Variants in JARID2 observed in about 807,000 individuals in gnomAD.
JARID2 encodes the protein protein Jumonji.
A neutral mutation model predicts 125.6 loss-of-function variants in JARID2; 21 were observed. That is an observed-to-expected ratio of 0.17 (90% confidence interval 0.12 to 0.24). The LOEUF is 0.24. Among genes scored for constraint, JARID2 ranks in the 10% least tolerant of loss-of-function variants. The pLI is 1.00. For missense variants in JARID2, 1,303 were observed against 1,639.6 expected, an observed-to-expected ratio of 0.79 and a Z score of 3.55; for synonymous variants, 736 against 661.6, an observed-to-expected ratio of 1.11 and a Z score of -1.73.
chr6:15,342,738 T>G (rs1044054774), intron 1 of JARID2, among the ~76,000 whole-genome samples: 1 of 152,212 alleles, frequency 6.6e-6, no homozygotes, highest in Non-Finnish European at 1.5e-5. Context: ...ATAAAATTAT[T>G]CAACTAGCTT....
intron 3 of JARID2, among the ~76,000 whole-genome samples, chr6:15,442,570 C>G (rs1034456809): frequency 2.8e-4 from 43 of 152,180 alleles, no homozygotes; most frequent in African/African-American, 1.0e-3. Flanking sequence ...TGTGGCTCTT[C>G]CCTCCTGGGC....
At position 15,497,141 on chromosome 6, in the gene JARID2, G is replaced by A. The variant is rs990914006; in HGVS notation, c.1916G>A (p.Gly639Asp). The change falls in exon 7 of 18, where the codon GGC (glycine) becomes GAC (aspartate). Residue 639 changes from glycine (G) to aspartate (D), a missense_variant. Coordinates refer to ENST00000341776, the MANE Select transcript of JARID2 (RefSeq NM_004973.4). ...ACIKKHLKSQ[G>D]ITMDELPLIG... ...ATCAAGAAGCACCTCAAATCTCAGG[G>A]CATCACCATGGACGAGCTCCCGCTC... 3.2e-6 allele frequency: 5 copies of A among 1,554,822 alleles called. No homozygotes were observed. The highest frequency in any genetic ancestry group is 2.4e-5 in the East Asian group (1 of 41,114).
intron 3 of JARID2, among the ~76,000 whole-genome samples, chr6:15,422,757 G>T (rs1363997669): frequency 6.6e-6 from 1 of 152,206 alleles, no homozygotes; most frequent in Non-Finnish European, 1.5e-5. Flanking sequence ...GACTGGTTTT[G>T]TGTGGGCTTC....
rs558187819 is a variant in JARID2 at position 15,282,750 on chromosome 6, C to T, written c.45+36166C>T. Among the ~76,000 whole-genome samples the T allele has an allele frequency of 5.3e-5, 8 of 152,096 alleles. No homozygotes were observed. The East Asian group carries it at 5.8e-4, about 11-fold the overall frequency. On this transcript the variant is annotated intron_variant, in intron 1 of 17. Transcript: ENST00000341776. The stretch of plus-strand genomic sequence containing the variant: ...CCAAGTAGCTGAGATTACAGGCATG[C>T]GCCACCATGCTCAGCTAATTTTGTA...
At position 15,375,744 on chromosome 6, in the gene JARID2, A is replaced by G. The variant is rs1188491736; in HGVS notation, c.181+1492A>G. On this transcript the variant is annotated intron_variant, in intron 2 of 17. Transcript: ENST00000341776. ...CTTGATTAAATGTGGGGGGTTGGGT[A>G]TGAAGGAGAATATCACTTAATCCTA... Among the ~76,000 whole-genome samples the G allele has an allele frequency of 3.3e-5, 5 of 152,204 alleles. No homozygotes were observed. In the East Asian group the frequency reaches 5.8e-4, roughly 18 times the overall value.
chr6:15,392,747 C>T (rs930819724), intron 2 of JARID2, among the ~76,000 whole-genome samples: 46 of 141,590 alleles, frequency 3.2e-4, no homozygotes, highest in South Asian at 2.2e-4. Context: ...TGTAGTGGTG[C>T]GGTCTTCGCT....
At chr6:15,366,931 G>T (rs1440744695) in intron 1 of JARID2, among the ~76,000 whole-genome samples, 1 of 152,008 alleles carries the variant, frequency 6.6e-6, no homozygotes, top group Non-Finnish European at 1.5e-5. Context: ...AATATTTATT[G>T]TAGTGGCTTT....
At chr6:15,439,784 T>C (rs1012529036) in intron 3 of JARID2, among the ~76,000 whole-genome samples, 4 of 152,200 alleles carry the variant, frequency 2.6e-5, no homozygotes, top group East Asian at 1.9e-4. Context: ...GCCAGCTTCA[T>C]TGGATGAGGA....
intron 2 of JARID2, among the ~76,000 whole-genome samples, chr6:15,374,737 C>G (rs982931752): frequency 6.6e-6 from 1 of 152,178 alleles, no homozygotes; most frequent in Non-Finnish European, 1.5e-5. Flanking sequence ...GTGCTTCTTC[C>G]TGGATGATTA....
intron 4 of JARID2, among the ~76,000 whole-genome samples, chr6:15,467,721 A>G (rs1440203331): frequency 6.6e-6 from 1 of 152,108 alleles, no homozygotes; most frequent in Non-Finnish European, 1.5e-5. Flanking sequence ...CTGTAGCTCC[A>G]GCTACAGGAT....
chr6:15,302,298 C>T (rs1761653486), intron 1 of JARID2, among the ~76,000 whole-genome samples: 1 of 152,120 alleles, frequency 6.6e-6, no homozygotes, highest in Admixed American at 6.5e-5. Context: ...CGCCTGTAAT[C>T]CCAGCGACTC....
intron 3 of JARID2, among the ~76,000 whole-genome samples, chr6:15,425,189 A>G (rs560835065): frequency 4.0e-4 from 61 of 152,264 alleles, no homozygotes; most frequent in African/African-American, 1.3e-3. Context: ...TGTACCTTCA[A>G]AATTTTTGGA....
chr6:15,384,492 G>A (rs1764708867), intron 2 of JARID2, among the ~76,000 whole-genome samples: 3 of 151,990 alleles, frequency 2.0e-5, no homozygotes, highest in South Asian at 2.1e-4. Flanking sequence ...TCAATAAGTG[G>A]CAGTTCCTTT....
chr6:15,379,402 T>A (rs886373461), intron 2 of JARID2, among the ~76,000 whole-genome samples: 1 of 152,234 alleles, frequency 6.6e-6, no homozygotes, highest in Admixed American at 6.5e-5. Context: ...TGGCAGAGGC[T>A]GAGACCTTGG....
At chr6:15,392,851 A>C (rs561408750) in intron 2 of JARID2, among the ~76,000 whole-genome samples, 1 of 151,720 alleles carries the variant, frequency 6.6e-6, no homozygotes, top group Non-Finnish European at 1.5e-5. Flanking sequence ...TGACTGGCTA[A>C]TTTTTGTATT....
intron 2 of JARID2, among the ~76,000 whole-genome samples, chr6:15,402,748 G>T (rs779708540): frequency 6.6e-6 from 1 of 152,148 alleles, no homozygotes; most frequent in South Asian, 2.1e-4. Flanking sequence ...CTGTGGTGTG[G>T]AATTCTTTTC....
chr6:15,415,318 T>C (rs1766097152), intron 3 of JARID2, among the ~76,000 whole-genome samples: 1 of 152,192 alleles, frequency 6.6e-6, no homozygotes, highest in Admixed American at 6.5e-5. Context: ...CCGTTCCCAA[T>C]GAGCTGCCGG....
intron 8 of JARID2, among the ~76,000 whole-genome samples, chr6:15,503,661 C>T (rs1770852472): frequency 6.6e-6 from 1 of 152,232 alleles, no homozygotes; most frequent in Admixed American, 6.5e-5. Flanking sequence ...GCTCTGTCTC[C>T]AGCCCCTAGG....
chr6:15,374,218 G>T lies in JARID2; in HGVS notation c.147G>T (p.Ala49=). The T allele has an allele frequency of 1.9e-6, 3 of 1,614,050 alleles. No homozygotes were observed. Among genetic ancestry groups the T allele is most frequent in the Non-Finnish European group, 2.5e-6 (3 of 1,179,944 alleles). Residue 49 remains alanine (A), a synonymous_variant, in exon 2 of 18, where the codon GCG becomes GCT. Transcript: ENST00000341776. ...EFKNSQKRQH[A]EGIAGSLKTV... is the part of the protein sequence containing the mutation. ...AGAATTCCCAGAAGAGGCAGCATGCGGAAGGCATTGCTGGGAGCCTGAAAA... is the reference window on the plus strand; with the variant it reads ...AGAATTCCCAGAAGAGGCAGCATGCTGAAGGCATTGCTGGGAGCCTGAAAA...
Sources: gnomAD v4.1 joint callset for allele counts (sites outside exome capture counted in the v4.1 genomes callset) on GRCh38, gnomAD v4.1.1 for gene constraint, MANE v1.5 for transcripts, NCBI Gene and HGNC (gene_info 2026-07-23, HGNC 2026-07-21) for gene names.